IL19: variants seen among roughly 807,000 people sequenced by gnomAD.
IL19 encodes the protein interleukin 19.
A neutral mutation model predicts 19.5 loss-of-function variants in IL19; 15 were observed. The observed-to-expected ratio is 0.77, with a 90% CI of 0.52 to 1.19. The LOEUF (loss-of-function observed/expected upper bound fraction) is 1.19, where lower values mean the gene tolerates loss of function less well. Among genes scored for constraint, IL19 ranks in the 50% most tolerant of loss-of-function variants. The probability of loss-of-function intolerance (pLI) is 0.00; values close to 1 mark genes in which losing one functional copy is unlikely to be tolerated. For missense variants in IL19, 199 were observed against 213.1 expected (o/e 0.93, Z 0.41); for synonymous variants, 78 against 78.3 (o/e 1.00, Z 0.02).
chr1:206,803,669 G>A (rs980125482), intron 2 of IL19, among the ~76,000 whole-genome samples: 3 of 152,168 alleles, frequency 2.0e-5, no homozygotes, highest in African/African-American at 7.2e-5. Context: ...ACAAAAACAT[G>A]CTTACAGAAA....
chr1:206,794,488 G>A (rs1489131784), intron 1 of IL19, among the ~76,000 whole-genome samples: 1 of 151,958 alleles, frequency 6.6e-6, no homozygotes, highest in Non-Finnish European at 1.5e-5. Flanking sequence ...AGCTCACGTC[G>A]ACACCCCCTC....
chr1:206,772,571 A>G, intron 1 of IL19: 1 of 801,580 alleles, frequency 1.2e-6, no homozygotes, highest in Non-Finnish European at 2.0e-6. Context: ...GCCACAATCA[A>G]GGTTTCCCGG....
Position 206,798,921 on chromosome 1 carries a change from C to T in IL19, c.-88C>T, listed in dbSNP as rs757149201. ...TGTGCACTGAGGGAGCGTTTCCGCA[C>T]AGATCTGCGTGTTCCTTACCACTCA... On this transcript the variant is annotated 5_prime_UTR_variant, in exon 2 of 7. Coordinates refer to ENST00000659997, the MANE Select transcript of IL19 (RefSeq NM_153758.5). 8 of 1,613,578 alleles carry T rather than the reference C, an allele frequency of 5.0e-6. No individual in the cohort carries two copies. In the South Asian group the frequency reaches 6.6e-5, roughly 13 times the overall value.
At chr1:206,787,647 G>A (rs1675298192) in intron 1 of IL19, among the ~76,000 whole-genome samples, 1 of 152,196 alleles carries the variant, frequency 6.6e-6, no homozygotes, top group South Asian at 2.1e-4. Context: ...GTGAAATGGA[G>A]AGACTCCTCA....
chr1:206,784,968 G>A (rs1000484734), intron 1 of IL19, among the ~76,000 whole-genome samples: 3 of 152,212 alleles, frequency 2.0e-5, no homozygotes, highest in Non-Finnish European at 2.9e-5. Flanking sequence ...CTGGATTCCC[G>A]TGGCAGAGCA....
At chr1:206,778,053 G>T in intron 1 of IL19, among the ~76,000 whole-genome samples, 1 of 152,234 alleles carries the variant, frequency 6.6e-6, no homozygotes, top group South Asian at 2.1e-4. Flanking sequence ...CAGAATAAAC[G>T]CCTGGTGGGC....
intron 2 of IL19, among the ~76,000 whole-genome samples, chr1:206,812,375 C>T (rs1676037384): frequency 6.6e-6 from 1 of 152,150 alleles, no homozygotes; most frequent in Non-Finnish European, 1.5e-5. Context: ...ACATCAATGT[C>T]CCATTGGTTT....
chr1:206,798,889 C>A lies in IL19; in HGVS notation c.-120C>A. 1 of 1,603,972 alleles carries A rather than the reference C, an allele frequency of 6.2e-7. No homozygotes were observed. The highest frequency in any genetic ancestry group is 1.1e-5 in the South Asian group (1 of 90,586). ...GGTGCTTGCACACACTGACAGGAGT[C>A]CAAGAATGTGCACTGAGGGAGCGTT... On this transcript the variant is annotated 5_prime_UTR_variant, in exon 2 of 7. Transcript: ENST00000659997.
At chr1:206,776,909 CAA>C (rs1186364224) in intron 1 of IL19, among the ~76,000 whole-genome samples, 14,295 of 49,386 alleles carry the variant, frequency 0.29, 284 homozygotes, top group Non-Finnish European at 0.34. Context: ...CTTGCAACTA[CAA>C]AAAAAAAAAA....
chr1:206,820,192 C>T (rs1014578140), intron 2 of IL19, among the ~76,000 whole-genome samples: 1 of 152,112 alleles, frequency 6.6e-6, no homozygotes, highest in African/African-American at 2.4e-5. Flanking sequence ...ATAAATATGG[C>T]CCCCCTAAAC....
At chr1:206,775,898 G>A (rs1215982426) in intron 1 of IL19, among the ~76,000 whole-genome samples, 1 of 152,210 alleles carries the variant, frequency 6.6e-6, no homozygotes, top group Non-Finnish European at 1.5e-5. Flanking sequence ...AATTTCAAGA[G>A]GACACAAATG....
chr1:206,773,082 G>C (rs1306162125), intron 1 of IL19, among the ~76,000 whole-genome samples: 1 of 152,190 alleles, frequency 6.6e-6, no homozygotes, highest in Non-Finnish European at 1.5e-5. Context: ...GTCACAGGAT[G>C]TGTTCCAGGC....
intron 2 of IL19, among the ~76,000 whole-genome samples, chr1:206,815,827 G>A (rs1676140567): frequency 6.6e-6 from 1 of 152,216 alleles, no homozygotes; most frequent in Admixed American, 6.5e-5. Context: ...TTAAAGTACA[G>A]TAAGTCCTCA....
intron 1 of IL19, 151 bp downstream of exon 1, chr1:206,771,229 T>G (rs1674827056): frequency 1.7e-6 from 2 of 1,153,470 alleles, no homozygotes; most frequent in East Asian, 4.7e-5. Flanking sequence ...ATGTGCTGAG[T>G]TAACATCTTC....
chr1:206,810,226 T>C (rs1048538026), intron 2 of IL19, among the ~76,000 whole-genome samples: 6 of 152,236 alleles, frequency 3.9e-5, no homozygotes, highest in Non-Finnish European at 7.3e-5. Flanking sequence ...ATTGAATTTA[T>C]TGGGGGTATT....
At chr1:206,826,769 G>A (rs1165225142) in intron 2 of IL19, among the ~76,000 whole-genome samples, 9 of 152,226 alleles carry the variant, frequency 5.9e-5, no homozygotes, top group Non-Finnish European at 1.5e-5. Context: ...CAGTTGGGAA[G>A]GACACTCTCA....
intron 1 of IL19, among the ~76,000 whole-genome samples, chr1:206,775,246 G>A (rs1457449076): frequency 1.3e-5 from 2 of 151,948 alleles, no homozygotes; most frequent in African/African-American, 4.8e-5. Context: ...TAGAGACGGG[G>A]TTTCACTGTG....
chr1:206,796,934 G>T (rs186793265), intron 1 of IL19, among the ~76,000 whole-genome samples: 5 of 152,318 alleles, frequency 3.3e-5, no homozygotes, highest in Admixed American at 2.6e-4. Context: ...CCTTTGTCCA[G>T]CCCAGGACTA....
rs185094554 is a variant in IL19 at position 206,833,622 on chromosome 1, G to A, written c.-2-3039G>A. The A allele has an allele frequency of 2.3e-3, 2,197 of 975,452 alleles. 6 individuals carry two copies. The highest frequency in any genetic ancestry group is 2.5e-3 in the Non-Finnish European group (2,080 of 820,734). The allele number at this position is 975,452 out of a possible 1,614,324, so 60.4% of individuals were successfully genotyped here. A position where few individuals can be genotyped will look rare whatever the true frequency, so the allele number is the denominator to read the frequency against. On this transcript the variant is annotated intron_variant, in intron 2 of 6. Coordinates refer to ENST00000659997, the MANE Select transcript of IL19 (RefSeq NM_153758.5). Reference sequence around the variant, plus strand: ...TCTTGGTAAAGAGTTTATGTAAAAAGGTAATTTAGTTAGAGAGTCTTCTAG... The same window carrying A: ...TCTTGGTAAAGAGTTTATGTAAAAAAGTAATTTAGTTAGAGAGTCTTCTAG...
Sources: gnomAD v4.1 joint callset for allele counts (sites outside exome capture counted in the v4.1 genomes callset) on GRCh38, gnomAD v4.1.1 for gene constraint, MANE v1.5 for transcripts, NCBI Gene and HGNC (gene_info 2026-07-23, HGNC 2026-07-21) for gene names.